The following TMEM132B variants were observed in gnomAD, a reference collection of about 807,000 sequenced individuals.
The protein encoded by TMEM132B is transmembrane protein 132B.
A neutral mutation model predicts 90.8 loss-of-function variants in TMEM132B; 18 were observed. The ratio of observed to expected loss-of-function variants is 0.20; its 90% CI spans 0.14 to 0.29. The LOEUF (loss-of-function observed/expected upper bound fraction) is 0.29. Ranked by LOEUF, TMEM132B falls within the 10% of genes least tolerant of loss-of-function variation. The pLI, the probability that TMEM132B is intolerant of heterozygous loss-of-function variation, is 1.00. For missense variants in TMEM132B, 1,096 were observed against 1,326.8 expected (o/e 0.83, Z 2.70); for synonymous variants, 504 against 523.3 (o/e 0.96, Z 0.50).
intron 4 of TMEM132B, among the ~76,000 whole-genome samples, chr12:125,555,071 G>A (rs970582378): frequency 6.6e-6 from 1 of 152,168 alleles, no homozygotes; most frequent in Admixed American, 6.5e-5. Context: ...TCATCATGAT[G>A]TGCATCTGTT....
intron 4 of TMEM132B, among the ~76,000 whole-genome samples, chr12:125,543,049 C>T (rs1883996141): frequency 6.6e-6 from 1 of 152,140 alleles, no homozygotes; most frequent in Non-Finnish European, 1.5e-5. Flanking sequence ...ATTTCAGTTG[C>T]ATGTAACAGA....
chr12:125,657,303 A>AATAATATATATT lies in TMEM132B; in HGVS notation c.*2593_*2594insATAATATATATT. 6.6e-6 allele frequency: 1 copy of AATAATATATATT among 151,384 alleles called. No individual in the cohort carries two copies. The highest frequency in any genetic ancestry group is 2.1e-4 in the South Asian group (1 of 4,742). 9.4% of individuals were successfully genotyped at this position (151,384 alleles called of 1,614,324 possible). On this transcript the variant is annotated 3_prime_UTR_variant, in exon 9 of 9. Transcript: ENST00000682704. ...TCCTTCCACCATATAACCCACACCC[A>AATAATATATATT]GATGTATATAAACGCATATACATAC...
intron 1 of TMEM132B, among the ~76,000 whole-genome samples, chr12:125,220,351 A>C (rs1216266537): frequency 6.6e-6 from 1 of 152,226 alleles, no homozygotes; most frequent in African/African-American, 2.4e-5. Context: ...GGGGCGACCC[A>C]GCCTCACCGC....
At chr12:125,569,333 T>G (rs1884735921) in intron 4 of TMEM132B, among the ~76,000 whole-genome samples, 1 of 152,076 alleles carries the variant, frequency 6.6e-6, no homozygotes. Flanking sequence ...TGGCCCAGGG[T>G]CACCTAGGAA....
chr12:125,415,812 A>G lies in TMEM132B; in HGVS notation c.1106+135A>G, dbSNP rs1399010647. The G allele has an allele frequency of 2.5e-6, 3 of 1,211,012 alleles. No homozygotes were observed. Among genetic ancestry groups the G allele is most frequent in the Non-Finnish European group, 3.3e-6 (3 of 915,908 alleles). The allele number at this position is 1,211,012 out of a possible 1,614,324, so 75.0% of individuals were successfully genotyped here. ...ATGAGAAATGATTTTTGAGGTCGGC[A>G]GTCTCAAAAATCACCAGAGTTCACA... On this transcript the variant is annotated intron_variant, in intron 3 of 8. Coordinates refer to ENST00000682704, the MANE Select transcript of TMEM132B (RefSeq NM_001366854.1). This position sits in a 1 kb window ranked among gnomAD's most constrained non-coding sequence, Gnocchi z 5.3.
intron 4 of TMEM132B, among the ~76,000 whole-genome samples, chr12:125,583,237 A>T (rs996921123): frequency 2.0e-5 from 3 of 152,130 alleles, no homozygotes; most frequent in Non-Finnish European, 2.9e-5. Flanking sequence ...CTCTGAGGGG[A>T]TCAATCAACA....
chr12:125,370,657 C>T (rs963582092), intron 2 of TMEM132B, among the ~76,000 whole-genome samples: 10 of 152,204 alleles, frequency 6.6e-5, no homozygotes, highest in Non-Finnish European at 1.2e-4. Context: ...AATCCTCCCG[C>T]GTCAGCCTCC....
chr12:125,260,923 T>TGC, intron 1 of TMEM132B, among the ~76,000 whole-genome samples: 1 of 2,870 alleles, frequency 3.5e-4, no homozygotes, highest in South Asian at 0.011. Context: ...CTCTACAGAT[T>TGC]GTGTGTGTGT....
chr12:125,420,988 T>G (rs966555354), intron 3 of TMEM132B, among the ~76,000 whole-genome samples: 1 of 152,226 alleles, frequency 6.6e-6, no homozygotes, highest in Non-Finnish European at 1.5e-5. Context: ...AAGAGTCACC[T>G]TTATTCCAGT....
intron 5 of TMEM132B, among the ~76,000 whole-genome samples, chr12:125,594,218 A>G (rs560634645): frequency 1.3e-5 from 2 of 152,198 alleles, no homozygotes; most frequent in African/African-American, 4.8e-5. Context: ...ACATTCACCC[A>G]TGTTATGTGT....
intron 3 of TMEM132B, among the ~76,000 whole-genome samples, chr12:125,494,686 C>A (rs1307235446): frequency 2.2e-5 from 3 of 136,568 alleles, no homozygotes; most frequent in Admixed American, 7.5e-5. Flanking sequence ...TCCTCCCCTT[C>A]CTCCCTGAAA....
Position 125,415,703 on chromosome 12 carries a change from C to T in TMEM132B, c.1106+26C>T. On this transcript the variant is annotated intron_variant, in intron 3 of 8. Transcript: ENST00000682704. This position sits in a 1 kb window ranked among gnomAD's most constrained non-coding sequence, Gnocchi z 5.3. ...GTAAGCATGGAGATCCCCAAGGCAC[C>T]TCCGCAGTGGGGAGGAGGGGAGTGG... 6.2e-7 allele frequency: 1 copy of T among 1,612,636 alleles called. No homozygotes were observed. Among genetic ancestry groups the T allele is most frequent in the Non-Finnish European group, 8.5e-7 (1 of 1,179,190 alleles).
rs117475334 is a variant in TMEM132B at position 125,603,472 on chromosome 12, A to G, written c.1437+19478A>G. 2.0e-3 allele frequency among the ~76,000 whole-genome samples: 301 copies of G among 152,344 alleles called. 2 individuals carry two copies. The highest frequency in any genetic ancestry group is 2.5e-3 in the Admixed American group (39 of 15,308). On this transcript the variant is annotated intron_variant, in intron 5 of 8. Transcript: ENST00000682704. The stretch of plus-strand genomic sequence containing the variant: ...AACTCAAGATGGATTAAAGACTTAC[A>G]TGTGAAACCCCAAACCATAAAAACC...
At chr12:125,624,478 A>G (rs1258151504) in intron 5 of TMEM132B, among the ~76,000 whole-genome samples, 4 of 152,182 alleles carry the variant, frequency 2.6e-5, no homozygotes, top group Non-Finnish European at 4.4e-5. Context: ...TCACCATCCA[A>G]TAAGGGCAGA....
chr12:125,329,027 A>G (rs909484846), intron 1 of TMEM132B, among the ~76,000 whole-genome samples: 1 of 152,000 alleles, frequency 6.6e-6, no homozygotes, highest in African/African-American at 2.4e-5. Flanking sequence ...CCACCCCCAA[A>G]TGTATTTGCT....
At chr12:125,414,514 C>T (rs950820898) in intron 2 of TMEM132B, among the ~76,000 whole-genome samples, 2 of 152,062 alleles carry the variant, frequency 1.3e-5, no homozygotes, top group Non-Finnish European at 2.9e-5. Context: ...GAGAGGGTGC[C>T]CAGGGCCTCA....
intron 1 of TMEM132B, among the ~76,000 whole-genome samples, chr12:125,221,908 G>A (rs554688813): frequency 1.2e-4 from 18 of 152,334 alleles, no homozygotes; most frequent in African/African-American, 3.4e-4. Flanking sequence ...CCCAACTAGC[G>A]TGGTTGGGGC....
chr12:125,247,657 CT>C (rs1490070781), intron 1 of TMEM132B, among the ~76,000 whole-genome samples: 4 of 152,110 alleles, frequency 2.6e-5, no homozygotes, highest in Admixed American at 2.6e-4. Context: ...ACATGGCCCC[CT>C]GGCTAATCAG....
At chr12:125,377,583 T>G (rs1878532300) in intron 2 of TMEM132B, among the ~76,000 whole-genome samples, 1 of 152,174 alleles carries the variant, frequency 6.6e-6, no homozygotes, top group African/African-American at 2.4e-5. Flanking sequence ...TGTGTTAATA[T>G]GTGTAAGTAG....
Sources: allele counts gnomAD v4.1 joint callset (sites outside exome capture counted in the v4.1 genomes callset), GRCh38; gene constraint gnomAD v4.1.1; non-coding constraint Gnocchi (gnomAD v3.1); transcripts MANE v1.5; gene names NCBI Gene and HGNC (gene_info 2026-07-23, HGNC 2026-07-21).